MYO15B: variants seen among roughly 807,000 people sequenced by gnomAD.
The protein encoded by MYO15B is myosin XVB pseudogene.
In MYO15B, 207 loss-of-function variants were observed where a neutral mutation model predicts 119.3. That is an observed-to-expected ratio of 1.73 (90% CI 1.55 to 1.95). The LOEUF is 1.95. Ranked by LOEUF, MYO15B falls within the 30% of genes most tolerant of loss-of-function variation. MYO15B has a pLI of 0.00. For synonymous variants in MYO15B, 966 were observed against 498.9 expected, an observed-to-expected ratio of 1.94 and a Z score of -12.48; for missense variants, 2,264 against 1,203.1, an observed-to-expected ratio of 1.88 and a Z score of -13.04.
rs2058037283 is a variant in MYO15B at position 75,611,663 on chromosome 17, G to A, written c.4504+5G>A. The A allele has an allele frequency of 4.3e-6, 3 of 702,806 alleles. No homozygotes were observed. 43.5% of individuals were successfully genotyped at this position (702,806 alleles called of 1,614,324 possible). On this transcript the variant is annotated splice_donor_5th_base_variant and intron_variant, in intron 24 of 63. Coordinates refer to ENST00000645453, the Ensembl canonical transcript of MYO15B. Reference sequence around the variant, plus strand: ...TCATGCTGAAGACGGCGGAAAGTGAGTCTTGTTGGTGTCCTCTTGTTAGGA... The same window carrying A: ...TCATGCTGAAGACGGCGGAAAGTGAATCTTGTTGGTGTCCTCTTGTTAGGA...
At chr17:75,599,086 T>TG (rs2057072797) in intron 14 of MYO15B, among the ~76,000 whole-genome samples, 1 of 152,132 alleles carries the variant, frequency 6.6e-6, no homozygotes, top group South Asian at 2.1e-4. Flanking sequence ...AAAATAGAGA[T>TG]GGGGTCTCCC....
At chr17:75,616,946 C>T in exon 40 of MYO15B, 1 of 702,880 alleles carries the variant, frequency 1.4e-6, no homozygotes, top group Non-Finnish European at 2.6e-6. Flanking sequence ...TCAACGGTGC[C>T]CACTCGTCCC....
intron 9 of MYO15B, among the ~76,000 whole-genome samples, chr17:75,594,111 A>G (rs2056682820): frequency 6.6e-6 from 1 of 150,836 alleles, no homozygotes; most frequent in Admixed American, 6.6e-5. Context: ...AAAAGAAAAA[A>G]AAAAATCAAA....
chr17:75,613,374 G>A lies in MYO15B; in HGVS notation c.5049G>A (p.Leu1683=), dbSNP rs1018253815. Residue 1683 remains leucine (L), a synonymous_variant, in exon 28 of 64, where the codon CTG becomes CTA. Coordinates refer to ENST00000645453, the Ensembl canonical transcript of MYO15B. ...TGGGGGCCTTGGAGCAGTCGCAGCT[G>A]GCCTCGGGGGCCACTCGGGCCCACC... 1.0e-5 allele frequency: 7 copies of A among 671,104 alleles called. No homozygotes were observed. The East Asian group carries it at 1.6e-4, about 16-fold the overall frequency. 41.6% of individuals were successfully genotyped at this position (671,104 alleles called of 1,614,324 possible). A position where few individuals can be genotyped will look rare whatever the true frequency, so the allele number is the denominator to read the frequency against.
exon 40 of MYO15B, chr17:75,616,876 C>A (rs1321973691): frequency 1.4e-6 from 1 of 703,076 alleles, no homozygotes; most frequent in South Asian, 1.5e-5. Context: ...CCCACGAGGC[C>A]TCCCAAAGCT....
At chr17:75,595,950 C>T (rs1168021995) in intron 12 of MYO15B, among the ~76,000 whole-genome samples, 2 of 152,214 alleles carry the variant, frequency 1.3e-5, no homozygotes, top group African/African-American at 4.8e-5. Flanking sequence ...CCAGTGTGTC[C>T]TTGTGACCGT....
intron 16 of MYO15B, 73 bp downstream of exon 16, chr17:75,602,667 C>T (rs908522650): frequency 2.3e-5 from 14 of 612,032 alleles, no homozygotes; most frequent in African/African-American, 9.2e-5. Context: ...TCCCCCTGGG[C>T]GCTCTTGCCC....
chr17:75,616,515 C>A lies in MYO15B; in HGVS notation c.6245-9C>A. ...ACGCGGTTAACAGTCTTTCCTGTTT[C>A]CTGGTCAGTGCCGTCCCCTCCTCCT... On this transcript the variant is annotated splice_polypyrimidine_tract_variant and intron_variant, in intron 38 of 63. Coordinates refer to ENST00000645453, the Ensembl canonical transcript of MYO15B. The A allele has an allele frequency of 1.4e-6, 1 of 699,716 alleles. No homozygotes were observed. Among genetic ancestry groups the A allele is most frequent in the South Asian group, 1.5e-5 (1 of 67,422 alleles). The allele number at this position is 699,716 out of a possible 1,614,324, so 43.3% of individuals were successfully genotyped here.
At position 75,589,003 on chromosome 17, in the gene MYO15B, G is replaced by C; in HGVS notation, c.946G>C (p.Gly316Arg). The change falls in exon 1 of 64, where the codon GGC (glycine) becomes CGC (arginine). Residue 316 changes from glycine (G) to arginine (R), a missense_variant. Coordinates refer to ENST00000645453, the Ensembl canonical transcript of MYO15B. The surrounding 1 kb of genome is among the most constrained non-coding windows in gnomAD (Gnocchi z 4.2). The stretch of plus-strand genomic sequence containing the variant: ...GGTGGGGCAGGTGCCAGCGGCGGCA[G>C]GCGAGGGCGAAGCGGGAGCCGCAGC... 7.5e-6 allele frequency: 3 copies of C among 397,920 alleles called. No homozygotes were observed. The highest frequency in any genetic ancestry group is 1.3e-5 in the Non-Finnish European group (3 of 225,566). 24.6% of individuals were successfully genotyped at this position (397,920 alleles called of 1,614,324 possible).
intron 17 of MYO15B, 25 bp from the exon 18 acceptor site, chr17:75,603,007 G>A (rs1463552148): frequency 1.0e-5 from 7 of 703,082 alleles, no homozygotes; most frequent in South Asian, 3.0e-5. Context: ...GTCTGTGCCC[G>A]AGTGACCCCT....
chr17:75,600,333 T>A (rs757862641), intron 14 of MYO15B, among the ~76,000 whole-genome samples: 7 of 150,880 alleles, frequency 4.6e-5, no homozygotes, highest in Non-Finnish European at 8.9e-5. Flanking sequence ...GGCCTAAGAG[T>A]GATCTTTGAA....
chr17:75,597,959 A>G (rs2056976373), intron 14 of MYO15B, among the ~76,000 whole-genome samples: 1 of 151,976 alleles, frequency 6.6e-6, no homozygotes, highest in African/African-American at 2.4e-5. Context: ...CGCAGAGCCA[A>G]ATACAAAATC....
chr17:75,591,491 G>T, intron 4 of MYO15B, 110 bp from the exon 5 acceptor site: 2 of 666,178 alleles, frequency 3.0e-6, no homozygotes. Flanking sequence ...ATTTATGGGG[G>T]TCTCTCCAGG....
exon 34 of MYO15B, chr17:75,615,328 T>G: frequency 1.4e-6 from 1 of 702,364 alleles, no homozygotes; most frequent in East Asian, 2.7e-5. Flanking sequence ...GCACAGTCCC[T>G]GCCATGCCAG....
At chr17:75,616,668 T>A (rs1463216336) in exon 39 of MYO15B, 1 of 702,908 alleles carries the variant, frequency 1.4e-6, no homozygotes, top group Admixed American at 2.0e-5. Flanking sequence ...AGGGGGACTG[T>A]GGTGCGCAGC....
At chr17:75,607,429 TTAA>T (rs1034030822) in intron 21 of MYO15B, among the ~76,000 whole-genome samples, 19 of 91,442 alleles carry the variant, frequency 2.1e-4, no homozygotes, top group African/African-American at 5.4e-4. Context: ...GGGTTAATAA[TTAA>T]TTATTATTAT....
chr17:75,588,327 G>A (rs924968586), exon 1 of MYO15B: 2 of 398,358 alleles, frequency 5.0e-6, no homozygotes, highest in Non-Finnish European at 8.9e-6. Flanking sequence ...AAGCCCAGGA[G>A]AGGCAAAGCA....
intron 14 of MYO15B, 109 bp from the exon 15 acceptor site, chr17:75,601,329 C>A (rs185880465): frequency 3.3e-6 from 2 of 608,044 alleles, no homozygotes; most frequent in Admixed American, 2.7e-5. Flanking sequence ...CAAAGCCAAA[C>A]CTACCCTTAT....
At chr17:75,596,372 C>T in intron 12 of MYO15B, 88 bp from the exon 13 acceptor site, 1 of 680,970 alleles carries the variant, frequency 1.5e-6, no homozygotes, top group Non-Finnish European at 2.7e-6. Context: ...TATTACTCAT[C>T]CCTGCGCCCT....
Sources: gnomAD v4.1 joint callset for allele counts (sites outside exome capture counted in the v4.1 genomes callset) on GRCh38, gnomAD v4.1.1 for gene constraint, Gnocchi (gnomAD v3.1) non-coding constraint, MANE v1.5 for transcripts, NCBI Gene and HGNC (gene_info 2026-07-23, HGNC 2026-07-21) for gene names.